Variants in MORN4 observed in about 807,000 individuals in gnomAD.
The protein encoded by MORN4 is MORN repeat-containing protein 4.
Under a neutral mutation model 16.4 loss-of-function variants are expected in MORN4, and 8 were observed. The ratio of observed to expected loss-of-function variants is 0.49; its 90% CI spans 0.29 to 0.88. The LOEUF (loss-of-function observed/expected upper bound fraction) is 0.88. Ranked by LOEUF, MORN4 falls within the 40% of genes least tolerant of loss-of-function variation. The pLI, the probability that MORN4 is intolerant of heterozygous loss-of-function variation, is 0.09. For synonymous variants in MORN4, 53 were observed against 68.9 expected (o/e 0.77, Z 1.14); for missense variants, 159 against 182.9 (o/e 0.87, Z 0.75).
chr10:97,615,107 A>C lies in MORN4; in HGVS notation c.*1156T>G, dbSNP rs2041224944. On this transcript the variant is annotated 3_prime_UTR_variant, in exon 5 of 5. Coordinates refer to ENST00000307450, the MANE Select transcript of MORN4 (RefSeq NM_178832.4). ...TCCCCATCTAAGGAAGGAGAGAGGC[A>C]CACATGGGGATTATCTGCTCTAAGT... 1 of 152,626 alleles carries C rather than the reference A, an allele frequency of 6.6e-6. No individual in the cohort carries two copies. Among genetic ancestry groups the C allele is most frequent in the South Asian group, 2.1e-4 (1 of 4,834 alleles). 9.5% of individuals were successfully genotyped at this position (152,626 alleles called of 1,614,324 possible). A position where few individuals can be genotyped will look rare whatever the true frequency, so the allele number is the denominator to read the frequency against.
At chr10:97,621,273 T>A (rs2041291082) in intron 1 of MORN4, among the ~76,000 whole-genome samples, 1 of 152,220 alleles carries the variant, frequency 6.6e-6, no homozygotes, top group Admixed American at 6.5e-5. Context: ...TTTTTTCCTG[T>A]ACAGCACAGC....
Position 97,630,836 on chromosome 10 carries a change from C to T in MORN4, c.-31+2511G>A, listed in dbSNP as rs147649097. On this transcript the variant is annotated intron_variant, in intron 1 of 4. Transcript: ENST00000307450. ...TAGTTTAACAAAGTATAGTCAGTGC[C>T]GATGAAGACTGAAAGCCCAATACTT... Among the ~76,000 whole-genome samples, 299 of 152,130 alleles carry T rather than the reference C, an allele frequency of 2.0e-3. 1 individual carries two copies. Among genetic ancestry groups the T allele is most frequent in the African/African-American group, 6.9e-3 (286 of 41,518 alleles).
chr10:97,628,821 C>G (rs1344029167), intron 1 of MORN4, among the ~76,000 whole-genome samples: 1 of 152,190 alleles, frequency 6.6e-6, no homozygotes, highest in Non-Finnish European at 1.5e-5. Context: ...CATGAGCCAC[C>G]ACGCCCAGCC....
intron 1 of MORN4, among the ~76,000 whole-genome samples, chr10:97,621,170 A>G (rs1045016892): frequency 6.6e-6 from 1 of 152,120 alleles, no homozygotes; most frequent in Non-Finnish European, 1.5e-5. Flanking sequence ...AAAGAATCTC[A>G]TGGATTTAGC....
intron 2 of MORN4, among the ~76,000 whole-genome samples, chr10:97,618,257 TC>T (rs2041255554): frequency 7.0e-6 from 1 of 143,564 alleles, no homozygotes; most frequent in Non-Finnish European, 1.5e-5. Flanking sequence ...CAGCCTCTCT[TC>T]TTTTTTTTTT....
intron 1 of MORN4, among the ~76,000 whole-genome samples, chr10:97,622,035 G>A (rs1482684668): frequency 1.3e-5 from 2 of 152,206 alleles, no homozygotes; most frequent in Non-Finnish European, 2.9e-5. Flanking sequence ...CTGCCCCCAT[G>A]TAAATGAGTC....
chr10:97,626,383 AATAATAATAATAATCATAATC>A (rs1242103370), intron 1 of MORN4, among the ~76,000 whole-genome samples: 43 of 40,972 alleles, frequency 1.0e-3, no homozygotes, highest in South Asian at 6.0e-3. Flanking sequence ...ACTCAAAAAT[AATAATAATAATAATCATAATC>A]ATAATCATAA....
chr10:97,618,443 C>T (rs561413834), intron 2 of MORN4, among the ~76,000 whole-genome samples: 65 of 151,980 alleles, frequency 4.3e-4, no homozygotes, highest in Non-Finnish European at 7.1e-4. Flanking sequence ...ACTGTGCCTG[C>T]CCTAAATTCT....
intron 3 of MORN4, 113 bp from the exon 4 acceptor site, chr10:97,616,900 T>C: frequency 1.0e-5 from 8 of 768,666 alleles, no homozygotes; most frequent in Non-Finnish European, 1.6e-5. Context: ...AAGCCGATTC[T>C]ACCAGTCACA....
At chr10:97,620,253 G>A (rs2041276810) in intron 1 of MORN4, among the ~76,000 whole-genome samples, 1 of 151,912 alleles carries the variant, frequency 6.6e-6, no homozygotes, top group African/African-American at 2.4e-5. Context: ...TTGGGAGGCC[G>A]AGGTGGGTGG....
In MORN4 at chr10:97,616,731, T is replaced by C. The variant is rs1302918116; in HGVS notation, c.239A>G (p.Tyr80Cys). ...KFNGVGVFIR[Y>C]DNMTFEGEFK... ...TTCCCCCTCAAAGGTCATGTTGTCATATCGAATGAAGACTCCGACGCCATT... is the reference window on the plus strand; with the variant it reads ...TTCCCCCTCAAAGGTCATGTTGTCACATCGAATGAAGACTCCGACGCCATT... Residue 80 changes from tyrosine (Y) to cysteine (C), a missense_variant, in exon 4 of 5, where the codon TAT becomes TGT. Transcript: ENST00000307450. The C allele has an allele frequency of 1.2e-6, 2 of 1,614,138 alleles. No individual in the cohort carries two copies. The highest frequency in any genetic ancestry group is 8.5e-7 in the Non-Finnish European group (1 of 1,180,012).
Position 97,616,799 on chromosome 10 carries a change from C to G in MORN4, c.183-12G>C, listed in dbSNP as rs1440994821. ...ACTCCCCCTCATACCTGCAGAAACACCAAGAAGTTAGCCTTCAGTGGAAAG... is the reference window on the plus strand; with the variant it reads ...ACTCCCCCTCATACCTGCAGAAACAGCAAGAAGTTAGCCTTCAGTGGAAAG... On this transcript the variant is annotated splice_polypyrimidine_tract_variant and intron_variant, in intron 3 of 4. Transcript: ENST00000307450. 6.3e-7 allele frequency: 1 copy of G among 1,589,058 alleles called. No homozygotes were observed. The highest frequency in any genetic ancestry group is 1.3e-5 in the African/African-American group (1 of 74,416).
chr10:97,629,383 T>C (rs754034750), intron 1 of MORN4, among the ~76,000 whole-genome samples: 23 of 152,168 alleles, frequency 1.5e-4, no homozygotes, highest in Non-Finnish European at 3.1e-4. Context: ...TGAAACTCTG[T>C]CTCAAAAGAA....
intron 1 of MORN4, among the ~76,000 whole-genome samples, chr10:97,621,152 A>C (rs1403063905): frequency 2.1e-5 from 3 of 145,062 alleles, no homozygotes; most frequent in Non-Finnish European, 3.0e-5. Context: ...ATAAATAAAT[A>C]AATCTGAAAA....
chr10:97,626,920 G>A (rs1479774924), intron 1 of MORN4, among the ~76,000 whole-genome samples: 1 of 151,036 alleles, frequency 6.6e-6, no homozygotes, highest in East Asian at 2.0e-4. Context: ...ACCACGCCCA[G>A]CTAATTTTGT....
intron 1 of MORN4, among the ~76,000 whole-genome samples, chr10:97,621,221 G>A (rs568930731): frequency 6.6e-6 from 1 of 152,292 alleles, no homozygotes; most frequent in South Asian, 2.1e-4. Context: ...GCCCAGAGAG[G>A]TAATAAAGTT....
intron 1 of MORN4, among the ~76,000 whole-genome samples, chr10:97,632,499 G>A (rs1173271185): frequency 2.0e-5 from 3 of 152,104 alleles, no homozygotes; most frequent in South Asian, 2.1e-4. Flanking sequence ...TTACAGGCGT[G>A]AGCCACCGCG....
Position 97,619,578 on chromosome 10 carries a change from C to T in MORN4, c.67+9G>A, listed in dbSNP as rs749252505. 1.2e-6 allele frequency: 2 copies of T among 1,602,806 alleles called. No homozygotes were observed. The highest frequency in any genetic ancestry group is 1.7e-5 in the Admixed American group (1 of 60,010). On this transcript the variant is annotated intron_variant, in intron 2 of 4. Coordinates refer to ENST00000307450, the MANE Select transcript of MORN4 (RefSeq NM_178832.4). ...TTCATCATGGATACTCCCCAGGGGT[C>T]CTTCTCACCCTCCTTCCACTCGCCA...
rs1210683127 is a variant in MORN4, at chr10:97,620,488, C to CAA, written c.-30-807_-30-806dup. 3.7e-3 allele frequency among the ~76,000 whole-genome samples: 154 copies of CAA among 41,082 alleles called. 5 individuals are homozygous for CAA. The highest frequency in any genetic ancestry group is 0.022 in the East Asian group (30 of 1,374). 27.0% of individuals were successfully genotyped at this position (41,082 alleles called of 152,430 possible). ...TGGGTGACGGAGCAAGACTCTGTCT[C>CAA]AAAAAAAAAAAAAAAAAAAGAAAAA... is the stretch of plus-strand genomic sequence containing the variant. On this transcript the variant is annotated intron_variant, in intron 1 of 4. Transcript: ENST00000307450.
Sources: gnomAD v4.1 joint callset for allele counts (sites outside exome capture counted in the v4.1 genomes callset) on GRCh38, gnomAD v4.1.1 for gene constraint, MANE v1.5 for transcripts, NCBI Gene and HGNC (gene_info 2026-07-23, HGNC 2026-07-21) for gene names.